Variants in TRMT11 observed in about 807,000 individuals in gnomAD.
TRMT11 encodes tRNA (guanine(10)-N(2))-methyltransferase TRMT11.
Under a neutral mutation model 62.8 loss-of-function variants are expected in TRMT11, and 53 were observed. The ratio of observed to expected loss-of-function variants is 0.84; its 90% CI spans 0.68 to 1.06. TRMT11 has a LOEUF of 1.06. TRMT11 is among the 50% of genes least tolerant of loss of function. TRMT11 has a pLI of 0.00. For missense variants in TRMT11, 556 were observed against 553.4 expected (o/e 1.00, Z -0.05); for synonymous variants, 188 against 190.3 (o/e 0.99, Z 0.10).
rs113195834 is a variant in TRMT11, at chr6:126,148,987, G to C, written c.*1824-25838G>C. ...TAAACTACATCCAGGTGTGCTGTGA[G>C]AATTAAATGAGCTGCTGGGTGTGGC... On this transcript the variant is annotated intron_variant and NMD_transcript_variant, in intron 21 of 22. Transcript: ENST00000648977. Among the ~76,000 whole-genome samples the C allele has an allele frequency of 2.8e-4, 43 of 152,354 alleles. 1 individual carries two copies. The highest frequency in any genetic ancestry group is 6.8e-3 in the Middle Eastern group (2 of 294).
At chr6:126,052,359 C>G (rs1259226453) in intron 16 of TRMT11, among the ~76,000 whole-genome samples, 1 of 152,198 alleles carries the variant, frequency 6.6e-6, no homozygotes, top group East Asian at 1.9e-4. Context: ...TTCCTTTCCT[C>G]TCATCCTTTA....
chr6:126,075,795 T>C (rs1251391389), intron 17 of TRMT11, among the ~76,000 whole-genome samples: 1 of 152,182 alleles, frequency 6.6e-6, no homozygotes, highest in African/African-American at 2.4e-5. Context: ...TTTGCTCATG[T>C]GGGTCCAGTT....
intron 21 of TRMT11, among the ~76,000 whole-genome samples, chr6:126,143,096 T>C (rs1207366866): frequency 6.6e-6 from 1 of 152,156 alleles, no homozygotes; most frequent in African/African-American, 2.4e-5. Flanking sequence ...AAAAAAGTTC[T>C]TAATATTTTA....
rs143974338 is a variant in TRMT11 at position 126,053,541 on chromosome 6, G to C, written c.*1437+351G>C. ...TTAGGGACAACCCCTATACCCCAGA[G>C]CCTGCTGAGATTATTCAAACTAGCT... On this transcript the variant is annotated intron_variant and NMD_transcript_variant, in intron 17 of 22. Transcript: ENST00000648977. 4.6e-5 allele frequency among the ~76,000 whole-genome samples: 7 copies of C among 152,228 alleles called. No homozygotes were observed. In the East Asian group the frequency reaches 1.4e-3, roughly 29 times the overall value.
intron 21 of TRMT11, among the ~76,000 whole-genome samples, chr6:126,162,265 A>G (rs1022932044): frequency 2.6e-5 from 4 of 152,286 alleles, no homozygotes; most frequent in African/African-American, 7.2e-5. Flanking sequence ...GTCCAGTTTC[A>G]GTTTTCTGCA....
At chr6:126,109,403 A>G (rs1052137590) in intron 17 of TRMT11, among the ~76,000 whole-genome samples, 3 of 152,096 alleles carry the variant, frequency 2.0e-5, no homozygotes, top group African/African-American at 4.8e-5. Flanking sequence ...CTGTCTCTCA[A>G]TTTGAGTTTG....
intron 17 of TRMT11, among the ~76,000 whole-genome samples, chr6:126,061,323 G>A (rs917194694): frequency 1.3e-5 from 2 of 152,152 alleles, no homozygotes; most frequent in South Asian, 2.1e-4. Context: ...ACATGCTACA[G>A]CTATTGTCTG....
rs573727294 is a variant in TRMT11 at position 126,105,358 on chromosome 6, A to G, written c.*1438-7508A>G. On this transcript the variant is annotated intron_variant and NMD_transcript_variant, in intron 17 of 22. Coordinates refer to the TRMT11 transcript ENST00000648977. ...GTTTATTGAGTGTAATTTGTGAGTG[A>G]ATTTATATGAACCTACAATATTGCA... 2.6e-5 allele frequency among the ~76,000 whole-genome samples: 4 copies of G among 152,288 alleles called. No individual in the cohort carries two copies. In the East Asian group the frequency reaches 7.7e-4, roughly 29 times the overall value.
At chr6:126,163,558 C>T (rs1778222418) in intron 21 of TRMT11, among the ~76,000 whole-genome samples, 1 of 152,180 alleles carries the variant, frequency 6.6e-6, no homozygotes, top group Non-Finnish European at 1.5e-5. Context: ...CAGGATGATG[C>T]TGGCCTCATA....
At chr6:126,120,212 T>A (rs902546030) in intron 21 of TRMT11, among the ~76,000 whole-genome samples, 5 of 151,798 alleles carry the variant, frequency 3.3e-5, no homozygotes, top group Non-Finnish European at 5.9e-5. Context: ...GAAGAGGAGG[T>A]TGTAGTGAGC....
intron 21 of TRMT11, among the ~76,000 whole-genome samples, chr6:126,153,917 T>C (rs1383265158): frequency 6.6e-6 from 1 of 152,152 alleles, no homozygotes; most frequent in Non-Finnish European, 1.5e-5. Context: ...GAATTCCTTT[T>C]TCATTGACAT....
intron 21 of TRMT11, among the ~76,000 whole-genome samples, chr6:126,118,177 C>T (rs1777611575): frequency 6.6e-6 from 1 of 152,062 alleles, no homozygotes; most frequent in African/African-American, 2.4e-5. Flanking sequence ...AGCTGTAGCA[C>T]CTCTTAAACC....
chr6:125,986,629 C>A lies in TRMT11; in HGVS notation c.72+7C>A. On this transcript the variant is annotated splice_region_variant and intron_variant, in intron 1 of 12. Transcript: ENST00000334379. ...TCTGGAGTTCCGCCTGCCGGTGAGT[C>A]CGTAGCGCCCTCCGGAACTTCCGAC... The A allele has an allele frequency of 6.3e-7, 1 of 1,577,190 alleles. No individual in the cohort carries two copies. Among genetic ancestry groups the A allele is most frequent in the East Asian group, 2.3e-5 (1 of 43,396 alleles).
At chr6:126,120,359 A>G (rs1398564833) in intron 21 of TRMT11, among the ~76,000 whole-genome samples, 1 of 152,196 alleles carries the variant, frequency 6.6e-6, no homozygotes, top group African/African-American at 2.4e-5. Context: ...GTGGTTGTCC[A>G]TGGATGATTG....
chr6:126,100,820 C>T (rs1262212791), intron 17 of TRMT11, among the ~76,000 whole-genome samples: 1 of 152,112 alleles, frequency 6.6e-6, no homozygotes, highest in Non-Finnish European at 1.5e-5. Flanking sequence ...AATTATACAA[C>T]CCACCATAAT....
intron 17 of TRMT11, among the ~76,000 whole-genome samples, chr6:126,085,423 T>C (rs914337006): frequency 1.3e-5 from 2 of 152,182 alleles, no homozygotes; most frequent in African/African-American, 4.8e-5. Context: ...TTTCCCATTT[T>C]CTTTTGGTCT....
intron 11 of TRMT11, 30 bp downstream of exon 11, chr6:126,013,131 C>T (rs889583742): frequency 1.3e-6 from 2 of 1,577,094 alleles, no homozygotes; most frequent in Non-Finnish European, 1.7e-6. Flanking sequence ...TTTTTAATTT[C>T]ATTTTTCTTA....
rs552025017 is a variant in TRMT11 at position 126,054,900 on chromosome 6, C to T, written c.*1437+1710C>T. On this transcript the variant is annotated intron_variant and NMD_transcript_variant, in intron 17 of 22. Coordinates refer to the TRMT11 transcript ENST00000648977. ...CTCAGAACTCCCAACACGTCTCTTT[C>T]GCATCTTTCCTTGAAGATTCTTACC... Among the ~76,000 whole-genome samples the T allele has an allele frequency of 7.2e-5, 11 of 152,332 alleles. No homozygotes were observed. The East Asian group carries it at 1.2e-3, about 16-fold the overall frequency.
At chr6:126,039,823 A>T (rs1056436477), downstream of TRMT11, among the ~76,000 whole-genome samples, 2 of 151,972 alleles carry the variant, frequency 1.3e-5, no homozygotes, top group Non-Finnish European at 2.9e-5. Context: ...TTATTATTTT[A>T]GTGTTACTGC....
Sources: allele counts gnomAD v4.1 joint callset (sites outside exome capture counted in the v4.1 genomes callset), GRCh38; gene constraint gnomAD v4.1.1; transcripts MANE v1.5; gene names NCBI Gene and HGNC (gene_info 2026-07-23, HGNC 2026-07-21).